The following CPNE4 variants were observed in gnomAD, a reference collection of about 807,000 sequenced individuals.
CPNE4 encodes the protein copine-4.
Under a neutral mutation model 67.9 loss-of-function variants are expected in CPNE4, and 25 were observed. That is an observed-to-expected ratio of 0.37 (90% CI 0.27 to 0.51). The LOEUF is 0.51. Ranked by LOEUF, CPNE4 falls within the 20% of genes least tolerant of loss-of-function variation. The pLI is 0.93. For missense variants in CPNE4, 464 were observed against 690.8 expected, an observed-to-expected ratio of 0.67 and a Z score of 3.68; for synonymous variants, 242 against 244.9, an observed-to-expected ratio of 0.99 and a Z score of 0.11.
chr3:131,539,676 A>G (rs1245238026), intron 15 of CPNE4, among the ~76,000 whole-genome samples: 1 of 152,160 alleles, frequency 6.6e-6, no homozygotes, highest in African/African-American at 2.4e-5. Flanking sequence ...ACATTGTGTC[A>G]GCACACAAGT....
chr3:131,860,135 C>G (rs2086615016), intron 2 of CPNE4, among the ~76,000 whole-genome samples: 1 of 152,148 alleles, frequency 6.6e-6, no homozygotes, highest in South Asian at 2.1e-4. Flanking sequence ...TCAGTCAGTC[C>G]TTCTGTGTCT....
At chr3:132,024,338 C>A (rs1165346504) in intron 1 of CPNE4, among the ~76,000 whole-genome samples, 1 of 152,156 alleles carries the variant, frequency 6.6e-6, no homozygotes, top group African/African-American at 2.4e-5. Context: ...CCCACCTTGA[C>A]CTCCCAAAGT....
intron 2 of CPNE4, among the ~76,000 whole-genome samples, chr3:131,856,452 C>T (rs144443509): frequency 2.0e-5 from 3 of 151,916 alleles, no homozygotes; most frequent in East Asian, 1.9e-4. Flanking sequence ...TAAAAAAAGG[C>T]GTCACTGTGA....
intron 2 of CPNE4, among the ~76,000 whole-genome samples, chr3:131,815,637 G>A (rs535103662): frequency 7.2e-5 from 11 of 152,152 alleles, no homozygotes; most frequent in Admixed American, 2.0e-4. Flanking sequence ...CCAGTAAGTC[G>A]AGAGACAAGG....
At position 131,581,652 on chromosome 3, in the gene CPNE4, C is replaced by G; in HGVS notation, c.794G>C (p.Cys265Ser). The G allele has an allele frequency of 6.2e-7, 1 of 1,611,622 alleles. No homozygotes were observed. The highest frequency in any genetic ancestry group is 8.5e-7 in the Non-Finnish European group (1 of 1,177,756). Reference sequence around the variant, plus strand: ...CTTGGCTTTGTACTTGGGATTGATGCACTCCCACTGCACCTGAAAGAAGGG... The same window carrying G: ...CTTGGCTTTGTACTTGGGATTGATGGACTCCCACTGCACCTGAAAGAAGGG... ...AMEGKQVQWE[C>S]INPKYKAKKK... Residue 265 changes from cysteine (C) to serine (S), a missense_variant, in exon 9 of 16, where the codon TGC (cysteine) becomes TCC (serine). Cys to Ser is a moderately radical substitution (Grantham distance 112). Around this residue, in one of 6 missense-constraint regions of CPNE4, gnomAD observed 26 missense variants for 24.0 expected, o/e 1.08. Transcript: ENST00000429747.
chr3:131,933,089 G>C (rs969410662), intron 1 of CPNE4, among the ~76,000 whole-genome samples: 1 of 152,172 alleles, frequency 6.6e-6, no homozygotes, highest in Non-Finnish European at 1.5e-5. Flanking sequence ...AAGCTTGAGA[G>C]GTAGCCAAGG....
At chr3:132,014,145 T>TCTTG (rs2073837312) in intron 1 of CPNE4, among the ~76,000 whole-genome samples, 1 of 152,086 alleles carries the variant, frequency 6.6e-6, no homozygotes, top group African/African-American at 2.4e-5. Context: ...CAGCTGCCAG[T>TCTTG]GAAGAGTCTT....
At chr3:131,585,975 G>T (rs2107698924) in intron 8 of CPNE4, among the ~76,000 whole-genome samples, 2 of 152,228 alleles carry the variant, frequency 1.3e-5, no homozygotes, top group Middle Eastern at 3.4e-3. Flanking sequence ...TGTTTCCATT[G>T]AGTTTCCAGA....
chr3:131,784,180 C>T (rs894917466), intron 2 of CPNE4, among the ~76,000 whole-genome samples: 5 of 151,968 alleles, frequency 3.3e-5, no homozygotes, highest in Admixed American at 1.3e-4. Context: ...TGATTGAGTT[C>T]CTGACCAATA....
chr3:131,795,079 G>A (rs1306921326), intron 2 of CPNE4, among the ~76,000 whole-genome samples: 2 of 152,300 alleles, frequency 1.3e-5, no homozygotes, highest in African/African-American at 4.8e-5. Flanking sequence ...ATTGAGAGAG[G>A]TGAAATATTC....
intron 3 of CPNE4, 73 bp from the exon 4 acceptor site, chr3:131,700,053 CCTTTT>C: frequency 1.2e-5 from 4 of 345,120 alleles, no homozygotes; most frequent in South Asian, 3.6e-5. Flanking sequence ...ATTTTTTAAA[CCTTTT>C]TTTTTTTTTT....
At chr3:131,682,945 G>A (rs2080794556) in intron 6 of CPNE4, among the ~76,000 whole-genome samples, 1 of 152,044 alleles carries the variant, frequency 6.6e-6, no homozygotes, top group African/African-American at 2.4e-5. Context: ...AGTACTGCCT[G>A]CCTACCACCA....
chr3:131,975,427 G>A (rs773761080), intron 1 of CPNE4, among the ~76,000 whole-genome samples: 2 of 152,174 alleles, frequency 1.3e-5, no homozygotes, highest in African/African-American at 2.4e-5. Context: ...GAATGGGGAG[G>A]ATTGGATTCA....
At chr3:131,560,351 A>G (rs536846007) in intron 11 of CPNE4, among the ~76,000 whole-genome samples, 1 of 152,172 alleles carries the variant, frequency 6.6e-6, no homozygotes, top group African/African-American at 2.4e-5. Flanking sequence ...TCTCTCTATC[A>G]TCCCTGTTGA....
At chr3:131,813,040 T>TA (rs2084597635) in intron 2 of CPNE4, among the ~76,000 whole-genome samples, 1 of 152,188 alleles carries the variant, frequency 6.6e-6, no homozygotes, top group African/African-American at 2.4e-5. Context: ...GTTCAACCAC[T>TA]AAAGAATAGT....
At chr3:131,784,855 T>A (rs1211472501) in intron 2 of CPNE4, among the ~76,000 whole-genome samples, 2 of 152,110 alleles carry the variant, frequency 1.3e-5, no homozygotes, top group Non-Finnish European at 2.9e-5. Context: ...CTGGTTCAAG[T>A]TAATTAAAAA....
intron 1 of CPNE4, among the ~76,000 whole-genome samples, chr3:131,928,469 C>T (rs898245279): frequency 2.0e-5 from 3 of 152,146 alleles, no homozygotes; most frequent in African/African-American, 7.2e-5. Flanking sequence ...AAGCCAGTGA[C>T]CCCCAATGCC....
chr3:131,785,529 T>C (rs894888439), intron 2 of CPNE4, among the ~76,000 whole-genome samples: 1 of 152,140 alleles, frequency 6.6e-6, no homozygotes, highest in Non-Finnish European at 1.5e-5. Context: ...ATTTTTTTTC[T>C]TATTGTTTCT....
chr3:131,554,965 A>G (rs935706876), intron 12 of CPNE4, among the ~76,000 whole-genome samples: 5 of 152,126 alleles, frequency 3.3e-5, no homozygotes, highest in African/African-American at 1.2e-4. Context: ...ATGAGAAATC[A>G]TTATCAAAAC....
Sources: gnomAD v4.1 joint callset for allele counts (sites outside exome capture counted in the v4.1 genomes callset) on GRCh38, gnomAD v4.1.1 for gene constraint, gnomAD v4.1.1 regional missense constraint, MANE v1.5 for transcripts, NCBI Gene and HGNC (gene_info 2026-07-23, HGNC 2026-07-21) for gene names.